INPP5A: variants seen among roughly 807,000 people sequenced by gnomAD.
INPP5A encodes the protein inositol polyphosphate-5-phosphatase A.
INPP5A carries 14 observed loss-of-function variants against 65.2 expected under a neutral mutation model. The observed-to-expected ratio is 0.21, with a 90% CI of 0.14 to 0.34. The LOEUF is 0.34. Ranked by LOEUF, INPP5A falls within the 10% of genes least tolerant of loss-of-function variation. The pLI is 1.00. For missense variants in INPP5A, 431 were observed against 545.6 expected (o/e 0.79, Z 2.09); for synonymous variants, 207 against 208.3 (o/e 0.99, Z 0.05).
At chr10:132,680,336 T>C (rs112901806) in intron 4 of INPP5A, among the ~76,000 whole-genome samples, 2,213 of 152,336 alleles carry the variant, frequency 0.015, 68 homozygotes, top group African/African-American at 0.05. Context: ...AGACGGCCGA[T>C]AAGTACACGA....
chr10:132,752,812 C>T (rs879178509), intron 11 of INPP5A, among the ~76,000 whole-genome samples: 9 of 152,102 alleles, frequency 5.9e-5, no homozygotes, highest in Admixed American at 1.3e-4. Context: ...ACACAGAGCA[C>T]GCCCCTGCTG....
intron 8 of INPP5A, among the ~76,000 whole-genome samples, chr10:132,724,882 G>T (rs1197087321): frequency 1.4e-5 from 2 of 144,206 alleles, no homozygotes; most frequent in African/African-American, 2.6e-5. Context: ...TCACGGGGAG[G>T]CCCCAGGATG....
intron 2 of INPP5A, among the ~76,000 whole-genome samples, chr10:132,629,199 T>C (rs1182845518): frequency 6.6e-6 from 1 of 152,204 alleles, no homozygotes; most frequent in Non-Finnish European, 1.5e-5. Context: ...CTCTTTAAGC[T>C]ACCTGGTGTT....
At chr10:132,557,302 G>A (rs988533307) in intron 1 of INPP5A, among the ~76,000 whole-genome samples, 15 of 152,226 alleles carry the variant, frequency 9.9e-5, no homozygotes, top group Admixed American at 4.6e-4. Flanking sequence ...GTTAGGCCAC[G>A]GGTCACAGTG....
chr10:132,735,702 C>T (rs1045457950), intron 9 of INPP5A, among the ~76,000 whole-genome samples: 5 of 152,210 alleles, frequency 3.3e-5, no homozygotes, highest in African/African-American at 9.6e-5. Flanking sequence ...GCTGGAAAGA[C>T]TCATCAGAGG....
At chr10:132,562,415 C>A (rs1217323221) in intron 1 of INPP5A, among the ~76,000 whole-genome samples, 1 of 152,214 alleles carries the variant, frequency 6.6e-6, no homozygotes, top group Non-Finnish European at 1.5e-5. Flanking sequence ...GAACCTGGGC[C>A]TGGGGGTGGC....
At chr10:132,683,131 G>A (rs1050633753) in intron 4 of INPP5A, among the ~76,000 whole-genome samples, 2 of 151,088 alleles carry the variant, frequency 1.3e-5, no homozygotes, top group East Asian at 2.0e-4. Flanking sequence ...CGTGTCTGCC[G>A]TGACCCAGCA....
chr10:132,623,011 A>G (rs1590874388), intron 2 of INPP5A, among the ~76,000 whole-genome samples: 1 of 148,658 alleles, frequency 6.7e-6, no homozygotes, highest in Middle Eastern at 3.5e-3. Context: ...TGAGAAATAT[A>G]CCGTCCGTGT....
chr10:132,709,790 A>G (rs533808940), intron 7 of INPP5A, among the ~76,000 whole-genome samples: 1 of 152,294 alleles, frequency 6.6e-6, no homozygotes, highest in South Asian at 2.1e-4. Context: ...TTGCCAGCTG[A>G]AGGTGCTGAG....
chr10:132,724,907 C>T (rs1270880374), intron 8 of INPP5A, among the ~76,000 whole-genome samples: 4 of 147,566 alleles, frequency 2.7e-5, no homozygotes, highest in African/African-American at 5.1e-5. Flanking sequence ...GAGCACACGC[C>T]GTATTCACCA....
intron 4 of INPP5A, among the ~76,000 whole-genome samples, chr10:132,677,195 G>C (rs1286463624): frequency 1.3e-5 from 2 of 152,224 alleles, no homozygotes; most frequent in Non-Finnish European, 1.5e-5. Context: ...AGCCTCTGCA[G>C]GTCCATGGCT....
chr10:132,643,961 G>A (rs2072459916), intron 2 of INPP5A, among the ~76,000 whole-genome samples: 1 of 152,072 alleles, frequency 6.6e-6, no homozygotes, highest in South Asian at 2.1e-4. Context: ...CAGATCTCAA[G>A]CCCACCCACT....
intron 12 of INPP5A, among the ~76,000 whole-genome samples, chr10:132,770,736 GA>G (rs1846934009): frequency 6.6e-6 from 1 of 152,172 alleles, no homozygotes; most frequent in African/African-American, 2.4e-5. Flanking sequence ...ACATTTTTGT[GA>G]AAAAAGTACC....
chr10:132,688,472 TAGAG>T lies in INPP5A; in HGVS notation c.307-1916_307-1913del, dbSNP rs577277035. On this transcript the variant is annotated intron_variant, in intron 4 of 15. Coordinates refer to ENST00000368594, the MANE Select transcript of INPP5A (RefSeq NM_005539.5). ...GTTCAGGCATTGCCTTTGACTTTCT[TAGAG>T]AGACAATAGCTCTGCAGCCCCGTAG... Among the ~76,000 whole-genome samples the T allele has an allele frequency of 1.9e-3, 287 of 152,306 alleles. 3 individuals are homozygous for T. Among genetic ancestry groups the T allele is most frequent in the African/African-American group, 5.6e-3 (231 of 41,554 alleles).
At chr10:132,683,713 T>TTTTG (rs202103108) in intron 4 of INPP5A, among the ~76,000 whole-genome samples, 2 of 152,204 alleles carry the variant, frequency 1.3e-5, no homozygotes, top group Non-Finnish European at 2.9e-5. Context: ...TTACAGGGTT[T>TTTTG]TTTGTTTGTT....
chr10:132,654,080 C>T (rs939731178), intron 4 of INPP5A, among the ~76,000 whole-genome samples: 3 of 152,250 alleles, frequency 2.0e-5, no homozygotes, highest in East Asian at 1.9e-4. Flanking sequence ...TCTGAGGCCC[C>T]GAGGCTGTTC....
chr10:132,632,303 G>C (rs1393485537), intron 2 of INPP5A, among the ~76,000 whole-genome samples: 1 of 152,246 alleles, frequency 6.6e-6, no homozygotes, highest in African/African-American at 2.4e-5. Flanking sequence ...AGAGCTCTGT[G>C]TGTGTCCCTG....
chr10:132,642,138 G>A (rs901846388), intron 2 of INPP5A, among the ~76,000 whole-genome samples: 5 of 151,662 alleles, frequency 3.3e-5, no homozygotes, highest in South Asian at 2.1e-4. Flanking sequence ...CCTGGAGCTC[G>A]TCTGCGGTCT....
chr10:132,730,737 G>A (rs959017998), intron 9 of INPP5A, among the ~76,000 whole-genome samples: 2 of 152,202 alleles, frequency 1.3e-5, no homozygotes, highest in African/African-American at 2.4e-5. Context: ...TGACCCAGGT[G>A]GCGTCTTGAA....
Sources: gnomAD v4.1 joint callset for allele counts (sites outside exome capture counted in the v4.1 genomes callset) on GRCh38, gnomAD v4.1.1 for gene constraint, MANE v1.5 for transcripts, NCBI Gene and HGNC (gene_info 2026-07-23, HGNC 2026-07-21) for gene names.